KIFC3: variants seen among roughly 807,000 people sequenced by gnomAD.
KIFC3 encodes the protein kinesin-like protein KIFC3.
Under a neutral mutation model 101.8 loss-of-function variants are expected in KIFC3, and 60 were observed. The ratio of observed to expected loss-of-function variants is 0.59; its 90% CI spans 0.48 to 0.73. The LOEUF is 0.73. Among genes scored for constraint, KIFC3 ranks in the 30% least tolerant of loss-of-function variants. KIFC3 has a pLI of 0.00. For synonymous variants in KIFC3, 476 were observed against 482.7 expected, an observed-to-expected ratio of 0.99 and a Z score of 0.18; for missense variants, 966 against 1,137.1, an observed-to-expected ratio of 0.85 and a Z score of 2.16.
chr16:57,798,259 A>T lies in KIFC3; in HGVS notation c.-16T>A. 6.4e-7 allele frequency: 1 copy of T among 1,551,620 alleles called. No individual in the cohort carries two copies. Among genetic ancestry groups the T allele is most frequent in the South Asian group, 1.2e-5 (1 of 84,342 alleles). ...AGGGGACCATGGCCTGGGGCTCAGC[A>T]GCCTCCTCGGGGCACCAGGCAGCCT... On this transcript the variant is annotated 5_prime_UTR_variant, in exon 2 of 20. Transcript: ENST00000445690.
intron 3 of KIFC3, chr16:57,775,023 G>T: frequency 6.5e-7 from 1 of 1,532,074 alleles, no homozygotes; most frequent in Non-Finnish European, 8.7e-7. Flanking sequence ...CTCAGACCCT[G>T]ATGCAGGGAG....
chr16:57,758,867 C>T lies in KIFC3; in HGVS notation c.*67G>A. 1 of 1,604,974 alleles carries T rather than the reference C, an allele frequency of 6.2e-7. No homozygotes were observed. The highest frequency in any genetic ancestry group is 8.5e-7 in the Non-Finnish European group (1 of 1,175,264). On this transcript the variant is annotated 3_prime_UTR_variant, in exon 20 of 20. Coordinates refer to ENST00000445690, the MANE Select transcript of KIFC3 (RefSeq NM_001130100.2). The stretch of plus-strand genomic sequence containing the variant: ...GCCAGTGAGGGCCCAGCTTCAGGCC[C>T]AGCGGGGTCACATCCGTCACACAGG...
intron 1 of KIFC3, among the ~76,000 whole-genome samples, chr16:57,862,010 G>A (rs1441730736): frequency 1.3e-5 from 2 of 152,092 alleles, no homozygotes; most frequent in South Asian, 2.1e-4. Context: ...AGCTGAAGGA[G>A]TGGAAGTACT....
chr16:57,845,720 C>T (rs1457637936), intron 1 of KIFC3, among the ~76,000 whole-genome samples: 1 of 152,170 alleles, frequency 6.6e-6, no homozygotes, highest in Non-Finnish European at 1.5e-5. Flanking sequence ...TCTTTGCACC[C>T]CTTACTCTGC....
Position 57,795,078 on chromosome 16 carries a change from G to A in KIFC3, c.236C>T (p.Pro79Leu). ...EDSSARSAARPALAQCRALSV... is the reference protein window; with the variant it reads ...EDSSARSAARLALAQCRALSV... ...AAGGGCTCGGCACTGAGCTAGGGCT[G>A]GGCGAGCTGCACTTCGGGCACTGGA... is the stretch of plus-strand genomic sequence containing the variant. Residue 79 changes from proline (P) to leucine (L), a missense_variant, in exon 3 of 20, where the codon CCA becomes CTA. Physicochemically the swap from Pro to Leu is moderately conservative, Grantham distance 98. This residue lies in a region of KIFC3 where 277 missense variants were observed against 252.5 expected (regional missense o/e 1.10). Coordinates refer to ENST00000445690, the MANE Select transcript of KIFC3 (RefSeq NM_001130100.2). The A allele has an allele frequency of 1.2e-6, 2 of 1,608,700 alleles. No homozygotes were observed. Among genetic ancestry groups the A allele is most frequent in the Non-Finnish European group, 1.7e-6 (2 of 1,177,968 alleles).
chr16:57,773,617 T>C (rs943590091), intron 3 of KIFC3, among the ~76,000 whole-genome samples: 2 of 152,106 alleles, frequency 1.3e-5, no homozygotes, highest in South Asian at 2.1e-4. Context: ...ATAGCATCAC[T>C]GTACCCCAGG....
chr16:57,857,822 C>CT (rs57102595), intron 1 of KIFC3, among the ~76,000 whole-genome samples: 46 of 92,774 alleles, frequency 5.0e-4, no homozygotes, highest in Non-Finnish European at 7.3e-4. Flanking sequence ...TTCTTTCTTT[C>CT]TTTTTTTTTT....
chr16:57,769,634 T>C lies in KIFC3; in HGVS notation c.1179A>G (p.Pro393=). 1 of 1,610,980 alleles carries C rather than the reference T, an allele frequency of 6.2e-7. No individual in the cohort carries two copies. Among genetic ancestry groups the C allele is most frequent in the Non-Finnish European group, 8.5e-7 (1 of 1,179,926 alleles). ...TCCTGAGGGCCTCCTGCAGCAGCAG[T>C]GGGAAGCCGCGCACCTGCCGCTTGA... is the stretch of plus-strand genomic sequence containing the variant. ...NGLKRQVRGF[P]LLLQEALRSV... Residue 393 remains proline (P), a synonymous_variant, in exon 9 of 20, where the codon CCA becomes CCG. Transcript: ENST00000445690. This position sits in a 1 kb window ranked among gnomAD's most constrained non-coding sequence, Gnocchi z 4.3.
chr16:57,798,529 C>T, intron 1 of KIFC3: 1 of 563,752 alleles, frequency 1.8e-6, no homozygotes, highest in Non-Finnish European at 3.1e-6. Context: ...ATCAGCTGTG[C>T]CTGAGACCCC....
chr16:57,861,904 G>T (rs1161333837), intron 1 of KIFC3, among the ~76,000 whole-genome samples: 1 of 152,130 alleles, frequency 6.6e-6, no homozygotes, highest in Non-Finnish European at 1.5e-5. Flanking sequence ...AGCCAAGATT[G>T]TGCCACTGCA....
intron 2 of KIFC3, among the ~76,000 whole-genome samples, chr16:57,795,530 C>T (rs531376302): frequency 1.3e-5 from 2 of 152,342 alleles, no homozygotes; most frequent in East Asian, 1.9e-4. Flanking sequence ...TTTATTACCC[C>T]GGCTGCCTCT....
At chr16:57,824,579 A>C (rs1231872994) in intron 1 of KIFC3, among the ~76,000 whole-genome samples, 1 of 152,172 alleles carries the variant, frequency 6.6e-6, no homozygotes, top group African/African-American at 2.4e-5. Context: ...GCTACTTGGG[A>C]GACTGAGATG....
At position 57,835,026 on chromosome 16, in the gene KIFC3, G is replaced by T. The variant is rs2055657646; in HGVS notation, c.108+27703C>A. Reference sequence around the variant, plus strand: ...GGAGGAAAAAAAATGCAACAGAAAAGCTGCTTTCTTGTGCTTTCCTCTTTG... The same window carrying T: ...GGAGGAAAAAAAATGCAACAGAAAATCTGCTTTCTTGTGCTTTCCTCTTTG... On this transcript the variant is annotated intron_variant, in intron 1 of 2. Transcript: ENST00000563028. 2.6e-5 allele frequency among the ~76,000 whole-genome samples: 4 copies of T among 152,218 alleles called. No individual in the cohort carries two copies. In the South Asian group the frequency reaches 8.3e-4, roughly 32 times the overall value.
At position 57,768,203 on chromosome 16, in the gene KIFC3, C is replaced by T. The variant is rs1338521105; in HGVS notation, c.1219-1218G>A. 3.3e-5 allele frequency among the ~76,000 whole-genome samples: 5 copies of T among 151,896 alleles called. No homozygotes were observed. The East Asian group carries it at 9.7e-4, about 29-fold the overall frequency. ...AACAAACAAACAAACAAAACTAGCC[C>T]GGCATGGTGGCACACGCCTGTAATC... is the stretch of plus-strand genomic sequence containing the variant. On this transcript the variant is annotated intron_variant, in intron 9 of 19. Transcript: ENST00000445690.
At chr16:57,799,871 G>A (rs550910783) in intron 1 of KIFC3, among the ~76,000 whole-genome samples, 81 of 152,304 alleles carry the variant, frequency 5.3e-4, no homozygotes, top group Admixed American at 1.6e-3. Flanking sequence ...CCAAAGAGAC[G>A]TGGAGGACTG....
At chr16:57,798,936 C>G (rs1463900385) in intron 1 of KIFC3, among the ~76,000 whole-genome samples, 2 of 152,176 alleles carry the variant, frequency 1.3e-5, no homozygotes, top group Non-Finnish European at 2.9e-5. Flanking sequence ...TTTAATAATG[C>G]CTACTGGGTG....
chr16:57,763,856 G>A (rs1375310188), intron 12 of KIFC3, among the ~76,000 whole-genome samples: 3 of 152,058 alleles, frequency 2.0e-5, no homozygotes, highest in South Asian at 2.1e-4. Flanking sequence ...GAGAGAGGTC[G>A]GTGGCCTGCC....
Position 57,802,019 on chromosome 16 carries a change from G to A in KIFC3, c.-40+351C>T, listed in dbSNP as rs973500567. Among the ~76,000 whole-genome samples the A allele has an allele frequency of 3.3e-5, 5 of 152,236 alleles. No individual in the cohort carries two copies. Among genetic ancestry groups the A allele is most frequent in the African/African-American group, 9.6e-5 (4 of 41,478 alleles). ...GCCTTCCAGGGAGCCCTGGGGGTGG[G>A]GAAGACGCCAGGAAGGGGAGAGGGC... On this transcript the variant is annotated intron_variant, in intron 1 of 19. Transcript: ENST00000445690. This position sits in a 1 kb window ranked among gnomAD's most constrained non-coding sequence, Gnocchi z 5.0.
At chr16:57,856,188 A>AG (rs35806570) in intron 1 of KIFC3, among the ~76,000 whole-genome samples, 27,081 of 151,352 alleles carry the variant, frequency 0.18, 2,714 homozygotes, top group African/African-American at 0.26. Context: ...TTAAAAAAAA[A>AG]GAAAAAAAAA....
Sources: allele counts gnomAD v4.1 joint callset (sites outside exome capture counted in the v4.1 genomes callset), GRCh38; gene constraint gnomAD v4.1.1; regional missense constraint gnomAD v4.1.1; non-coding constraint Gnocchi (gnomAD v3.1); transcripts MANE v1.5; gene names NCBI Gene and HGNC (gene_info 2026-07-23, HGNC 2026-07-21).